DAPK1: variants seen among roughly 807,000 people sequenced by gnomAD.
The protein encoded by DAPK1 is death associated protein kinase 1.
In DAPK1, 56 loss-of-function variants were observed where a neutral mutation model predicts 144.9. The observed-to-expected ratio is 0.39, with a 90% CI of 0.31 to 0.48. DAPK1 has a LOEUF of 0.48. DAPK1 is among the 20% of genes least tolerant of loss of function. DAPK1 has a pLI of 0.95. For synonymous variants in DAPK1, 690 were observed against 749.0 expected (o/e 0.92, Z 1.29); for missense variants, 1,454 against 1,875.4 (o/e 0.78, Z 4.15).
chr9:87,510,187 C>T lies in DAPK1; in HGVS notation c.62+11048C>T, dbSNP rs557728044. Among the ~76,000 whole-genome samples, 117 of 152,272 alleles carry T rather than the reference C, an allele frequency of 7.7e-4. 1 individual carries two copies. Among genetic ancestry groups the T allele is most frequent in the Admixed American group, 3.7e-3 (56 of 15,298 alleles). On this transcript the variant is annotated intron_variant, in intron 2 of 25. Transcript: ENST00000408954. ...CCCCTTCGTTGGCTGGAAGAGATAA[C>T]GCTTGACACGTATGGAGCAGACAGG...
intron 18 of DAPK1, among the ~76,000 whole-genome samples, chr9:87,666,444 T>A (rs1831054759): frequency 6.6e-6 from 1 of 151,490 alleles, no homozygotes; most frequent in Admixed American, 6.6e-5. Flanking sequence ...GAGGAAACAT[T>A]TTTATTTTAT....
chr9:87,506,125 C>G (rs1174644102), intron 2 of DAPK1, among the ~76,000 whole-genome samples: 1 of 152,218 alleles, frequency 6.6e-6, no homozygotes, highest in Non-Finnish European at 1.5e-5. Context: ...ACCCAGAACC[C>G]AGGGCCAGGC....
In DAPK1 at chr9:87,698,635, C is replaced by G. The variant is rs780971284; in HGVS notation, c.2612-21C>G. 8.3e-6 allele frequency: 13 copies of G among 1,572,448 alleles called. No individual in the cohort carries two copies. In the Admixed American group the frequency reaches 2.0e-4, roughly 24 times the overall value. On this transcript the variant is annotated intron_variant, in intron 22 of 25. Transcript: ENST00000408954. ...AGGTAGGAGGACCCACCCCCTGAAG[C>G]AGTTCCCTCTCTGCCCCCAGCCTTC... is the stretch of plus-strand genomic sequence containing the variant.
At chr9:87,600,637 CA>C (rs1828483754) in intron 2 of DAPK1, among the ~76,000 whole-genome samples, 1 of 152,094 alleles carries the variant, frequency 6.6e-6, no homozygotes, top group Non-Finnish European at 1.5e-5. Flanking sequence ...TTCACCAGTA[CA>C]AAATCCATTA....
chr9:87,498,422 G>T, intron 1 of DAPK1: 1 of 313,202 alleles, frequency 3.2e-6, no homozygotes, highest in Admixed American at 5.0e-5. Flanking sequence ...CGCACGCCGG[G>T]TCGGCCGGGT....
At chr9:87,656,466 C>G (rs754764559) in intron 17 of DAPK1, among the ~76,000 whole-genome samples, 1 of 152,234 alleles carries the variant, frequency 6.6e-6, no homozygotes, top group Non-Finnish European at 1.5e-5. Flanking sequence ...ATCTCCCTTA[C>G]ATTGCATCTT....
intron 2 of DAPK1, chr9:87,525,178 G>T: frequency 1.4e-6 from 1 of 713,740 alleles, no homozygotes; most frequent in Non-Finnish European, 2.4e-6. Flanking sequence ...GTGTCTTCCT[G>T]TGTGTTTGGA....
chr9:87,613,762 G>T (rs1564023601), intron 3 of DAPK1, among the ~76,000 whole-genome samples: 1 of 152,224 alleles, frequency 6.6e-6, no homozygotes, highest in African/African-American at 2.4e-5. Context: ...GTGGCACAGA[G>T]CCCTTCAGTC....
At chr9:87,545,734 G>A (rs1826227409) in intron 2 of DAPK1, among the ~76,000 whole-genome samples, 1 of 152,014 alleles carries the variant, frequency 6.6e-6, no homozygotes, top group African/African-American at 2.4e-5. Flanking sequence ...TAGTAGAGAA[G>A]GGGTTTCACC....
At position 87,555,284 on chromosome 9, in the gene DAPK1, A is replaced by G. The variant is rs1826665111; in HGVS notation, c.63-49670A>G. 2.6e-5 allele frequency among the ~76,000 whole-genome samples: 4 copies of G among 152,198 alleles called. No individual in the cohort carries two copies. The South Asian group carries it at 8.3e-4, about 31-fold the overall frequency. On this transcript the variant is annotated intron_variant, in intron 2 of 25. Coordinates refer to ENST00000408954, the MANE Select transcript of DAPK1 (RefSeq NM_004938.4). ...TTCTTAAGCAGACATTAAGTCAGAC[A>G]ATTAGGTCCCAGCTAAGCCTTGTCT...
chr9:87,528,321 G>A (rs542788336), intron 2 of DAPK1, among the ~76,000 whole-genome samples: 194 of 151,676 alleles, frequency 1.3e-3, no homozygotes, highest in African/African-American at 4.6e-3. Flanking sequence ...GGGTTCAAGC[G>A]ATTCTCCTGC....
At chr9:87,506,235 C>T (rs929541527) in intron 2 of DAPK1, among the ~76,000 whole-genome samples, 3 of 152,140 alleles carry the variant, frequency 2.0e-5, no homozygotes, top group Non-Finnish European at 4.4e-5. Context: ...AGCCATTTGG[C>T]GCCAATTTAT....
In DAPK1 at chr9:87,707,270, A is replaced by G. The variant is rs773425467; in HGVS notation, c.4199A>G (p.Lys1400Arg). 2.9e-5 allele frequency: 47 copies of G among 1,613,990 alleles called. No homozygotes were observed. The highest frequency in any genetic ancestry group is 3.7e-5 in the Non-Finnish European group (44 of 1,179,994). ...TTGCTGAAGGCATCCTCTGTGTTCA[A>G]AATCAACCTGGATGGCAATGGCCAG... ...DFLLKASSVF[K>R]INLDGNGQEA... is the part of the protein sequence containing the mutation. The change falls in exon 26 of 26, where the codon AAA becomes AGA. Residue 1400 changes from lysine (K) to arginine (R), a missense_variant. Physicochemically the swap from Lys to Arg is conservative, Grantham distance 26 (BLOSUM62 2). Around this residue, in one of 2 missense-constraint regions of DAPK1, gnomAD observed 1,025 missense variants for 1,237.9 expected, o/e 0.83. Transcript: ENST00000408954. The surrounding 1 kb of genome is among the most constrained non-coding windows in gnomAD (Gnocchi z 4.0).
intron 3 of DAPK1, among the ~76,000 whole-genome samples, chr9:87,608,083 C>T (rs1370862394): frequency 6.6e-6 from 1 of 152,156 alleles, no homozygotes; most frequent in Non-Finnish European, 1.5e-5. Context: ...AGAACTCTAT[C>T]AGGAGATCAG....
intron 17 of DAPK1, 41 bp from the exon 18 acceptor site, chr9:87,657,988 C>A: frequency 1.3e-6 from 1 of 778,120 alleles, no homozygotes; most frequent in Non-Finnish European, 2.3e-6. Flanking sequence ...TCAGCAACTG[C>A]GTGAGAAGAA....
intron 2 of DAPK1, among the ~76,000 whole-genome samples, chr9:87,587,601 T>C (rs933583915): frequency 6.6e-6 from 1 of 152,244 alleles, no homozygotes; most frequent in Non-Finnish European, 1.5e-5. Context: ...ATCCGAATAA[T>C]GTTACTCAAG....
intron 2 of DAPK1, among the ~76,000 whole-genome samples, chr9:87,575,832 C>A (rs910669613): frequency 1.8e-4 from 27 of 152,282 alleles, no homozygotes; most frequent in African/African-American, 5.1e-4. Flanking sequence ...ACCTAATCAT[C>A]CCAAACTCAA....
At chr9:87,667,391 C>A (rs1050983039) in intron 18 of DAPK1, among the ~76,000 whole-genome samples, 1 of 152,212 alleles carries the variant, frequency 6.6e-6, no homozygotes, top group African/African-American at 2.4e-5. Flanking sequence ...CCAGCAATTG[C>A]CAATGCCTAT....
intron 2 of DAPK1, among the ~76,000 whole-genome samples, chr9:87,584,742 T>C (rs1489560006): frequency 6.6e-6 from 1 of 152,104 alleles, no homozygotes; most frequent in Non-Finnish European, 1.5e-5. Flanking sequence ...AGTGGCATGA[T>C]CTCAGTTCAC....
Sources: gnomAD v4.1 joint callset for allele counts (sites outside exome capture counted in the v4.1 genomes callset) on GRCh38, gnomAD v4.1.1 for gene constraint, gnomAD v4.1.1 regional missense constraint, Gnocchi (gnomAD v3.1) non-coding constraint, MANE v1.5 for transcripts, NCBI Gene and HGNC (gene_info 2026-07-23, HGNC 2026-07-21) for gene names.